ARHGEF12: variants seen among roughly 807,000 people sequenced by gnomAD.
The protein encoded by ARHGEF12 is Rho guanine nucleotide exchange factor 12, also known as KMT2A/ARHGEF12 fusion protein.
ARHGEF12 carries 66 observed loss-of-function variants against 211.2 expected under a neutral mutation model. The observed-to-expected ratio is 0.31, with a 90% CI of 0.26 to 0.38. The LOEUF is 0.38. Among genes scored for constraint, ARHGEF12 ranks in the 10% least tolerant of loss-of-function variants. The probability of loss-of-function intolerance (pLI) is 1.00; values close to 1 mark genes in which losing one functional copy is unlikely to be tolerated. For synonymous variants in ARHGEF12, 592 were observed against 638.4 expected (o/e 0.93, Z 1.09); for missense variants, 1,429 against 1,869.5 (o/e 0.76, Z 4.34).
chr11:120,437,323 C>G lies in ARHGEF12; in HGVS notation c.940C>G (p.Pro314Ala). The G allele has an allele frequency of 6.2e-7, 1 of 1,609,334 alleles. No individual in the cohort carries two copies. Among genetic ancestry groups the G allele is most frequent in the South Asian group, 1.1e-5 (1 of 90,616 alleles). Residue 314 changes from proline (P) to alanine (A), a missense_variant, in exon 12 of 41, where the codon CCA becomes GCA. Pro to Ala is a conservative substitution (Grantham distance 27). Transcript: ENST00000397843. The stretch of plus-strand genomic sequence containing the variant: ...TTTTCATTAGAGTCCCAAGAGTGGC[C>G]CAAAAGAGAGAATTTATCTAGAGGA... ...SDNADSPKSGPKERIYLEENP... is the reference protein window; with the variant it reads ...SDNADSPKSGAKERIYLEENP...
chr11:120,441,890 A>G (rs1391421069), intron 14 of ARHGEF12, 73 bp downstream of exon 14: 1 of 1,344,168 alleles, frequency 7.4e-7, no homozygotes, highest in Non-Finnish European at 1.1e-6. Flanking sequence ...TTTCCTAGCT[A>G]TACAACGAGT....
At chr11:120,473,797 C>A (rs1946947340) in intron 31 of ARHGEF12, among the ~76,000 whole-genome samples, 1 of 152,168 alleles carries the variant, frequency 6.6e-6, no homozygotes, top group South Asian at 2.1e-4. Context: ...TCTTCAGAAG[C>A]ATAAAAGTTG....
chr11:120,473,885 G>C (rs1180009974), intron 31 of ARHGEF12, among the ~76,000 whole-genome samples: 1 of 152,160 alleles, frequency 6.6e-6, no homozygotes, highest in East Asian at 1.9e-4. Flanking sequence ...AACTTTTTCG[G>C]ATTTTAAGTG....
chr11:120,468,436 C>CTTGTTTTGTT (rs561592284), intron 29 of ARHGEF12, among the ~76,000 whole-genome samples: 2 of 151,780 alleles, frequency 1.3e-5, no homozygotes, highest in Non-Finnish European at 2.9e-5. Flanking sequence ...TACGTTTTGT[C>CTTGTTTTGTT]TTGTTTTGTT....
chr11:120,436,799 C>T lies in ARHGEF12; in HGVS notation c.925-509C>T, dbSNP rs117091493. Among the ~76,000 whole-genome samples, 124 of 152,164 alleles carry T rather than the reference C, an allele frequency of 8.1e-4. 6 individuals are homozygous for T. In the East Asian group the frequency reaches 0.022, roughly 27 times the overall value. On this transcript the variant is annotated intron_variant, in intron 11 of 40. Transcript: ENST00000397843. The stretch of plus-strand genomic sequence containing the variant: ...TATATCAGGGACTTGAGCATCCATT[C>T]CCCCACAAACACTGAAGAACAACTG...
chr11:120,477,167 G>A (rs1425804255), intron 34 of ARHGEF12, 52 bp from the exon 35 acceptor site: 2 of 1,402,688 alleles, frequency 1.4e-6, no homozygotes, highest in African/African-American at 3.3e-5. Flanking sequence ...ATATTTAAAG[G>A]ATATTTCTTT....
At chr11:120,380,974 T>C (rs144079905) in intron 1 of ARHGEF12, among the ~76,000 whole-genome samples, 1 of 152,226 alleles carries the variant, frequency 6.6e-6, no homozygotes, top group Non-Finnish European at 1.5e-5. Flanking sequence ...CCCTATCCTT[T>C]TGTTTTTTGA....
chr11:120,452,873 G>A (rs144366763), intron 22 of ARHGEF12, among the ~76,000 whole-genome samples: 3 of 152,234 alleles, frequency 2.0e-5, no homozygotes, highest in Admixed American at 6.5e-5. Flanking sequence ...ACATGCACCC[G>A]TAATCCCAGG....
intron 1 of ARHGEF12, among the ~76,000 whole-genome samples, chr11:120,360,436 A>G (rs1943247025): frequency 6.6e-6 from 1 of 152,128 alleles, no homozygotes; most frequent in Non-Finnish European, 1.5e-5. Context: ...TCTGTCACTC[A>G]GGCTGGAGTG....
chr11:120,405,441 G>T (rs1170684795), intron 1 of ARHGEF12, among the ~76,000 whole-genome samples: 1 of 152,084 alleles, frequency 6.6e-6, no homozygotes, highest in Non-Finnish European at 1.5e-5. Context: ...CAGCTTATAG[G>T]ACCCCCCCAG....
At chr11:120,429,402 A>T in intron 8 of ARHGEF12, 38 bp from the exon 9 acceptor site, 1 of 1,539,402 alleles carries the variant, frequency 6.5e-7, no homozygotes, top group Non-Finnish European at 8.9e-7. Context: ...TTTTGTCTAT[A>T]CTGGTTGTTG....
chr11:120,422,695 A>G (rs1433888261), intron 6 of ARHGEF12, among the ~76,000 whole-genome samples: 5 of 152,206 alleles, frequency 3.3e-5, no homozygotes, highest in Admixed American at 2.0e-4. Flanking sequence ...GTATGCAAAT[A>G]GAATTGTAGT....
intron 9 of ARHGEF12, 51 bp from the exon 10 acceptor site, chr11:120,429,661 A>G (rs530631701): frequency 2.5e-6 from 4 of 1,581,228 alleles, no homozygotes; most frequent in East Asian, 2.3e-5. Context: ...CTATTTCTGT[A>G]TCTTTTTTAC....
In ARHGEF12 at chr11:120,478,311, G is replaced by C; in HGVS notation, c.3688G>C (p.Glu1230Gln). 1 of 1,614,190 alleles carries C rather than the reference G, an allele frequency of 6.2e-7. No homozygotes were observed. The highest frequency in any genetic ancestry group is 1.1e-5 in the South Asian group (1 of 91,084). The change falls in exon 37 of 41, where the codon GAA (glutamate) becomes CAA (glutamine). Residue 1230 changes from glutamate (E) to glutamine (Q), a missense_variant. Coordinates refer to ENST00000397843, the MANE Select transcript of ARHGEF12 (RefSeq NM_015313.3). ...HTDGTLKEVG[E>Q]DYQIAIPDSH... is the part of the protein sequence containing the mutation. ...AGATGGGACACTAAAGGAAGTTGGA[G>C]AAGATTATCAAATCGCAATCCCAGA... is the stretch of plus-strand genomic sequence containing the variant.
At chr11:120,439,972 G>T in intron 12 of ARHGEF12, 157 bp from the exon 13 acceptor site, 1 of 591,472 alleles carries the variant, frequency 1.7e-6, no homozygotes, top group Non-Finnish European at 2.9e-6. Flanking sequence ...GAAAATTTGT[G>T]AACCCCTACT....
At chr11:120,404,735 G>T (rs562986122) in intron 1 of ARHGEF12, among the ~76,000 whole-genome samples, 1 of 152,176 alleles carries the variant, frequency 6.6e-6, no homozygotes, top group Non-Finnish European at 1.5e-5. Flanking sequence ...CTGTGAGGTC[G>T]AGTGCCTAAG....
chr11:120,457,070 AC>A, intron 22 of ARHGEF12, 47 bp from the exon 23 acceptor site: 1 of 1,579,054 alleles, frequency 6.3e-7, no homozygotes, highest in Non-Finnish European at 8.6e-7. Context: ...GTGACCAGTG[AC>A]TTTATTAAGT....
chr11:120,434,403 A>T (rs953477202), intron 11 of ARHGEF12, among the ~76,000 whole-genome samples: 1 of 152,236 alleles, frequency 6.6e-6, no homozygotes, highest in South Asian at 2.1e-4. Context: ...ATAAAGTCCA[A>T]GCTAGGCTAT....
intron 1 of ARHGEF12, among the ~76,000 whole-genome samples, chr11:120,369,268 A>G (rs1399931222): frequency 6.6e-6 from 1 of 151,664 alleles, no homozygotes; most frequent in Admixed American, 6.6e-5. Flanking sequence ...AGCTGGGACT[A>G]CAGGCGCACA....
Sources: allele counts gnomAD v4.1 joint callset (sites outside exome capture counted in the v4.1 genomes callset), GRCh38; gene constraint gnomAD v4.1.1; transcripts MANE v1.5; gene names NCBI Gene and HGNC (gene_info 2026-07-23, HGNC 2026-07-21).